IFT140: variants seen among roughly 807,000 people sequenced by gnomAD.
The protein encoded by IFT140 is intraflagellar transport protein 140 homolog.
A neutral mutation model predicts 164.6 loss-of-function variants in IFT140; 133 were observed. The ratio of observed to expected loss-of-function variants is 0.81; its 90% CI spans 0.70 to 0.93. The LOEUF (loss-of-function observed/expected upper bound fraction) is 0.93. Ranked by LOEUF, IFT140 falls within the 40% of genes least tolerant of loss-of-function variation. The pLI, the probability that IFT140 is intolerant of heterozygous loss-of-function variation, is 0.00. For missense variants in IFT140, 2,045 were observed against 1,972.3 expected (o/e 1.04, Z -0.70); for synonymous variants, 860 against 817.3 (o/e 1.05, Z -0.89).
At chr16:1,580,905 G>C (rs1475342949) in intron 12 of IFT140, 55 bp from the exon 13 acceptor site, 3 of 1,161,600 alleles carry the variant, frequency 2.6e-6, no homozygotes, top group African/African-American at 3.0e-5. Context: ...AGACTTGCTG[G>C]GAGTTTCAGG....
chr16:1,596,191 AC>A (rs779441151), intron 4 of IFT140, among the ~76,000 whole-genome samples: 2 of 136,448 alleles, frequency 1.5e-5, no homozygotes, highest in South Asian at 2.7e-4. Context: ...AAAATGAATG[AC>A]CCCCCCATCC....
intron 3 of IFT140, among the ~76,000 whole-genome samples, chr16:1,603,577 A>G (rs181404887): frequency 8.6e-5 from 13 of 151,914 alleles, no homozygotes; most frequent in Admixed American, 5.9e-4. Flanking sequence ...CTCCGCCTCC[A>G]AGGTTCAAGC....
At chr16:1,538,637 T>A (rs537977804) in intron 19 of IFT140, among the ~76,000 whole-genome samples, 41 of 152,278 alleles carry the variant, frequency 2.7e-4, no homozygotes, top group African/African-American at 9.9e-4. Flanking sequence ...CATTTTGCAA[T>A]GTTTAGAGAA....
intron 19 of IFT140, chr16:1,534,301 C>T (rs551545490): frequency 7.4e-6 from 12 of 1,612,448 alleles, no homozygotes; most frequent in African/African-American, 4.0e-5. Context: ...CTCGTGGCCG[C>T]GGCCGTGCTG....
At chr16:1,534,184 A>T in intron 19 of IFT140, 4 of 1,533,678 alleles carry the variant, frequency 2.6e-6, no homozygotes, top group Non-Finnish European at 3.5e-6. Context: ...GATGTCCTCT[A>T]GCCACCCCTA....
intron 18 of IFT140, among the ~76,000 whole-genome samples, chr16:1,559,940 G>T (rs148834140): frequency 1.3e-5 from 2 of 152,206 alleles, no homozygotes; most frequent in African/African-American, 4.8e-5. Flanking sequence ...TATGAGGAGT[G>T]GACGCATGCG....
rs374262499 is a variant in IFT140 at position 1,583,296 on chromosome 16, C to T, written c.1432+18G>A. On this transcript the variant is annotated intron_variant, in intron 12 of 30. Coordinates refer to ENST00000426508, the MANE Select transcript of IFT140 (RefSeq NM_014714.4). The stretch of plus-strand genomic sequence containing the variant: ...GCCAGGTAGTGGGAGTGCCTCTGTC[C>T]GGGTGAAAAGAACCCACCTGCACTC... The T allele has an allele frequency of 2.1e-5, 34 of 1,610,704 alleles. No homozygotes were observed. The highest frequency in any genetic ancestry group is 4.0e-5 in the African/African-American group (3 of 74,934).
intron 24 of IFT140, chr16:1,524,273 G>C: frequency 3.3e-6 from 2 of 605,358 alleles, no homozygotes. Flanking sequence ...TCTGCCGTCT[G>C]CAAGGCCATA....
intron 18 of IFT140, among the ~76,000 whole-genome samples, chr16:1,561,273 C>T (rs377717259): frequency 2.6e-5 from 4 of 152,242 alleles, no homozygotes; most frequent in Non-Finnish European, 5.9e-5. Flanking sequence ...TTGATCAGCA[C>T]GCCCTCTCAG....
At chr16:1,566,605 G>A (rs928076520) in intron 15 of IFT140, among the ~76,000 whole-genome samples, 2 of 152,152 alleles carry the variant, frequency 1.3e-5, no homozygotes, top group East Asian at 3.8e-4. Context: ...GGGATTGCAG[G>A]TGCGGGATAA....
In IFT140 at chr16:1,602,463, G is replaced by A; in HGVS notation, c.276C>T (p.Asp92=). The change falls in exon 4 of 31, where the codon GAC becomes GAT. Residue 92 remains aspartate, a synonymous_variant. Transcript: ENST00000426508. The part of the protein sequence containing the change: ...TGEVTVFNKQ[D]KEQHTMPLTH... The stretch of plus-strand genomic sequence containing the variant: ...TCAGGGGCATCGTGTGCTGCTCCTT[G>A]TCCTGCTTGTTAAACACCGTCACTT... 1 of 1,614,184 alleles carries A rather than the reference G, an allele frequency of 6.2e-7. No homozygotes were observed. Among genetic ancestry groups the A allele is most frequent in the Non-Finnish European group, 8.5e-7 (1 of 1,180,028 alleles).
chr16:1,562,511 C>T (rs1374425012), intron 17 of IFT140, among the ~76,000 whole-genome samples: 9 of 152,174 alleles, frequency 5.9e-5, no homozygotes, highest in South Asian at 2.1e-4. Flanking sequence ...CAGTGGCTCA[C>T]GCCTGTAATC....
chr16:1,558,945 C>A (rs1179893294), intron 18 of IFT140, among the ~76,000 whole-genome samples: 2 of 152,252 alleles, frequency 1.3e-5, no homozygotes, highest in African/African-American at 2.4e-5. Context: ...TGACTTGCGG[C>A]CCCGGTGAGT....
At position 1,557,164 on chromosome 16, in the gene IFT140, G is replaced by A. The variant is rs546033677; in HGVS notation, c.2399+771C>T. Reference sequence around the variant, plus strand: ...GGCCACAGGGTCAATTATGGTCTGCGACTACCTTTATATGAAGTCAAAGTA... The same window carrying A: ...GGCCACAGGGTCAATTATGGTCTGCAACTACCTTTATATGAAGTCAAAGTA... On this transcript the variant is annotated intron_variant, in intron 19 of 30. Transcript: ENST00000426508. Among the ~76,000 whole-genome samples, 42 of 152,296 alleles carry A rather than the reference G, an allele frequency of 2.8e-4. No individual in the cohort carries two copies. The South Asian group carries it at 6.0e-3, about 22-fold the overall frequency.
chr16:1,570,456 C>A (rs1006324943), intron 14 of IFT140, among the ~76,000 whole-genome samples: 1 of 152,182 alleles, frequency 6.6e-6, no homozygotes, highest in Non-Finnish European at 1.5e-5. Flanking sequence ...ACTCCCACCA[C>A]GCGATGCCAG....
At chr16:1,568,120 T>G (rs2033819649) in intron 15 of IFT140, 97 bp downstream of exon 15, 1 of 815,236 alleles carries the variant, frequency 1.2e-6, no homozygotes, top group Non-Finnish European at 2.0e-6. Flanking sequence ...CAGGAAGACT[T>G]GCACAGGAGG....
In IFT140 at chr16:1,555,215, C is replaced by T. The variant is rs113527598; in HGVS notation, c.2399+2720G>A. The T allele has an allele frequency of 1.4e-5, 10 of 720,136 alleles. 1 individual carries two copies. Among genetic ancestry groups the T allele is most frequent in the African/African-American group, 1.8e-5 (1 of 55,940 alleles). The allele number at this position is 720,136 out of a possible 1,614,324, so 44.6% of individuals were successfully genotyped here. On this transcript the variant is annotated intron_variant, in intron 19 of 30. Transcript: ENST00000426508. ...ATGTCGGTCATATGTCTGTACGTGT[C>T]GTGGGCCAACCTCGTTCTGCCTCCA...
chr16:1,601,263 C>CA (rs965825314), intron 4 of IFT140, among the ~76,000 whole-genome samples: 2,872 of 55,168 alleles, frequency 0.052, 39 homozygotes, highest in Middle Eastern at 0.085. Flanking sequence ...GATTCCATCA[C>CA]AAAAAAAAAA....
chr16:1,592,621 GT>G, intron 4 of IFT140, 33 bp from the exon 5 acceptor site: 3 of 1,594,854 alleles, frequency 1.9e-6, no homozygotes, highest in Non-Finnish European at 2.6e-6. Flanking sequence ...GTTAGGACAG[GT>G]GTCCCGGCAG....
Sources: allele counts gnomAD v4.1 joint callset (sites outside exome capture counted in the v4.1 genomes callset), GRCh38; gene constraint gnomAD v4.1.1; transcripts MANE v1.5; gene names NCBI Gene and HGNC (gene_info 2026-07-23, HGNC 2026-07-21).